FAM163A: variants seen among roughly 807,000 people sequenced by gnomAD.
FAM163A encodes the protein protein FAM163A.
Under a neutral mutation model 12.0 loss-of-function variants are expected in FAM163A, and 7 were observed. The observed-to-expected ratio is 0.58, with a 90% CI of 0.33 to 1.10. FAM163A has a LOEUF of 1.10. Ranked by LOEUF, FAM163A falls within the 50% of genes least tolerant of loss-of-function variation. The pLI is 0.03. For missense variants in FAM163A, 202 were observed against 218.6 expected (o/e 0.92, Z 0.48); for synonymous variants, 101 against 91.0 (o/e 1.11, Z -0.62).
intron 1 of FAM163A, among the ~76,000 whole-genome samples, chr1:179,769,247 A>G (rs561350291): frequency 6.6e-5 from 10 of 152,146 alleles, no homozygotes; most frequent in African/African-American, 2.4e-4. Context: ...CTGGGCTTAA[A>G]TGATTCTCCT....
At chr1:179,792,695 C>T (rs1000499383) in intron 1 of FAM163A, among the ~76,000 whole-genome samples, 1 of 152,016 alleles carries the variant, frequency 6.6e-6, no homozygotes, top group African/African-American at 2.4e-5. Flanking sequence ...TAAAATGGAG[C>T]TGATGATCTC....
At chr1:179,779,546 C>T (rs1207333399) in intron 1 of FAM163A, among the ~76,000 whole-genome samples, 4 of 152,194 alleles carry the variant, frequency 2.6e-5, no homozygotes, top group Admixed American at 6.5e-5. Flanking sequence ...AGAGAAAGAG[C>T]TCAGGCAGTG....
intron 1 of FAM163A, among the ~76,000 whole-genome samples, chr1:179,761,487 A>C (rs1686810453): frequency 6.6e-6 from 1 of 152,212 alleles, no homozygotes; most frequent in Non-Finnish European, 1.5e-5. Flanking sequence ...GACAGGAGCC[A>C]GGAAAGCATA....
chr1:179,732,871 A>C, the FAM163A span, among the ~76,000 whole-genome samples: 4 of 107,140 alleles, frequency 3.7e-5, no homozygotes, highest in Admixed American at 2.8e-4. Context: ...ACAGAGTGAG[A>C]CTCTGCCTCA....
chr1:179,798,125 G>C (rs1233922844), intron 1 of FAM163A, among the ~76,000 whole-genome samples: 1 of 152,084 alleles, frequency 6.6e-6, no homozygotes, highest in Non-Finnish European at 1.5e-5. Flanking sequence ...AGCTACTCGG[G>C]TGGCTGATAC....
In FAM163A at chr1:179,813,978, G is replaced by C; in HGVS notation, c.293G>C (p.Cys98Ser). The change falls in exon 5 of 5, where the codon TGC becomes TCC. Residue 98 changes from cysteine (C) to serine (S), a missense_variant. By Grantham distance (112) the Cys-to-Ser change is moderately radical. Transcript: ENST00000341785. ...CGVAASHCTT[C>S]SPYSSPFYIR... The stretch of plus-strand genomic sequence containing the variant: ...GTGGCCGCGAGCCACTGCACTACCT[G>C]CTCCCCATACAGCTCCCCCTTTTAC... 2 of 1,613,808 alleles carry C rather than the reference G, an allele frequency of 1.2e-6. No homozygotes were observed. Among genetic ancestry groups the C allele is most frequent in the Non-Finnish European group, 1.7e-6 (2 of 1,179,868 alleles).
At chr1:179,794,977 A>G (rs1692064626) in intron 1 of FAM163A, among the ~76,000 whole-genome samples, 1 of 152,190 alleles carries the variant, frequency 6.6e-6, no homozygotes, top group South Asian at 2.1e-4. Context: ...GCTCCTTCCC[A>G]CATACTCACC....
chr1:179,799,201 G>A (rs1027003530), intron 1 of FAM163A, among the ~76,000 whole-genome samples: 3 of 152,026 alleles, frequency 2.0e-5, no homozygotes, highest in Non-Finnish European at 4.4e-5. Flanking sequence ...TGTTTAGCAG[G>A]CACTGAGCTG....
At chr1:179,774,682 C>T (rs1234119350) in intron 1 of FAM163A, among the ~76,000 whole-genome samples, 1 of 152,076 alleles carries the variant, frequency 6.6e-6, no homozygotes, top group Non-Finnish European at 1.5e-5. Context: ...CTGATGGAAG[C>T]GACACTGATC....
chr1:179,778,377 A>AC (rs1289130532), intron 1 of FAM163A, among the ~76,000 whole-genome samples: 1 of 152,026 alleles, frequency 6.6e-6, no homozygotes, highest in Non-Finnish European at 1.5e-5. Flanking sequence ...AGTTCCACCG[A>AC]CCCCAAGCAC....
chr1:179,813,628 A>T (rs1694995231), intron 4 of FAM163A, 151 bp from the exon 5 acceptor site: 1 of 831,668 alleles, frequency 1.2e-6, no homozygotes, highest in Admixed American at 2.7e-5. Context: ...CAAAGCTGGG[A>T]TTAGAAACTT....
At chr1:179,738,770 T>A (rs1233182189), upstream of FAM163A, among the ~76,000 whole-genome samples, 1 of 152,240 alleles carries the variant, frequency 6.6e-6, no homozygotes, top group Admixed American at 6.5e-5. Flanking sequence ...CTAATTTATA[T>A]CAAAATATCA....
At chr1:179,745,977 T>C (rs892900253) in intron 1 of FAM163A, among the ~76,000 whole-genome samples, 2 of 152,246 alleles carry the variant, frequency 1.3e-5, no homozygotes, top group African/African-American at 4.8e-5. Flanking sequence ...CATTAGACTC[T>C]AGACTTCAGA....
chr1:179,804,427 T>C (rs994766481), intron 1 of FAM163A, among the ~76,000 whole-genome samples: 1 of 152,238 alleles, frequency 6.6e-6, no homozygotes, highest in African/African-American at 2.4e-5. Context: ...ACAAGTCATT[T>C]GTCCTGTTTG....
intron 1 of FAM163A, among the ~76,000 whole-genome samples, chr1:179,780,140 C>T (rs1689517847): frequency 6.6e-6 from 1 of 152,138 alleles, no homozygotes; most frequent in Non-Finnish European, 1.5e-5. Context: ...GGAGAGAGCC[C>T]TCTAGATAAT....
At position 179,785,930 on chromosome 1, in the gene FAM163A, C is replaced by T. The variant is rs137892550; in HGVS notation, c.-135-21868C>T. Among the ~76,000 whole-genome samples the T allele has an allele frequency of 6.8e-4, 104 of 152,218 alleles. 2 individuals are homozygous for T. The East Asian group carries it at 0.016, about 24-fold the overall frequency. On this transcript the variant is annotated intron_variant, in intron 1 of 4. Coordinates refer to ENST00000341785, the MANE Select transcript of FAM163A (RefSeq NM_173509.3). ...TCATATATAATGCTGCAGTGAACAT[C>T]GAGTTGACATCTCTTCACATAACCA...
chr1:179,793,883 A>T (rs1000463618), intron 1 of FAM163A, among the ~76,000 whole-genome samples: 1 of 152,214 alleles, frequency 6.6e-6, no homozygotes, highest in Non-Finnish European at 1.5e-5. Context: ...TCTCTGACTT[A>T]CAGGTATTCT....
intron 1 of FAM163A, among the ~76,000 whole-genome samples, chr1:179,752,591 T>C (rs1276298074): frequency 6.6e-6 from 1 of 151,712 alleles, no homozygotes; most frequent in East Asian, 1.9e-4. Context: ...AAGGAAGTCA[T>C]AAAATTCAAT....
At chr1:179,783,308 TAACTA>T (rs1345008868) in intron 1 of FAM163A, among the ~76,000 whole-genome samples, 1 of 152,182 alleles carries the variant, frequency 6.6e-6, no homozygotes, top group East Asian at 1.9e-4. Context: ...TTACTGTTAA[TAACTA>T]ACATTTATTG....
Sources: gnomAD v4.1 joint callset for allele counts (sites outside exome capture counted in the v4.1 genomes callset) on GRCh38, gnomAD v4.1.1 for gene constraint, MANE v1.5 for transcripts, NCBI Gene and HGNC (gene_info 2026-07-23, HGNC 2026-07-21) for gene names.